The following SUCLG2 variants were observed in gnomAD, a reference collection of about 807,000 sequenced individuals.
SUCLG2 encodes succinate-CoA ligase GDP-forming subunit beta.
In SUCLG2, 42 loss-of-function variants were observed where a neutral mutation model predicts 47.9. The observed-to-expected ratio is 0.88, with a 90% CI of 0.69 to 1.14. The LOEUF (loss-of-function observed/expected upper bound fraction) is 1.14. Among genes scored for constraint, SUCLG2 ranks in the 50% most tolerant of loss-of-function variants. SUCLG2 has a pLI of 0.00. For missense variants in SUCLG2, 571 were observed against 525.9 expected, an observed-to-expected ratio of 1.09 and a Z score of -0.84; for synonymous variants, 195 against 197.3, an observed-to-expected ratio of 0.99 and a Z score of 0.10.
intron 2 of SUCLG2, among the ~76,000 whole-genome samples, chr3:67,529,803 G>A (rs779097275): frequency 3.2e-4 from 48 of 152,184 alleles, no homozygotes; most frequent in Non-Finnish European, 6.2e-4. Context: ...AGTGGTTGTG[G>A]AATCTTTGTT....
At chr3:67,613,550 A>G (rs1196535692) in intron 1 of SUCLG2, among the ~76,000 whole-genome samples, 2 of 152,238 alleles carry the variant, frequency 1.3e-5, no homozygotes, top group Non-Finnish European at 2.9e-5. Flanking sequence ...GCAACATTCA[A>G]GATGGTAGCT....
chr3:67,442,070 G>A (rs963655509), intron 9 of SUCLG2, among the ~76,000 whole-genome samples: 1 of 146,960 alleles, frequency 6.8e-6, no homozygotes, highest in Admixed American at 6.8e-5. Context: ...GAGTGCAGTG[G>A]CGGGATCTCA....
intron 2 of SUCLG2, among the ~76,000 whole-genome samples, chr3:67,569,588 C>T (rs774918786): frequency 1.3e-5 from 2 of 152,216 alleles, no homozygotes; most frequent in African/African-American, 4.8e-5. Context: ...AGGTTTTGGA[C>T]TTGCTTGGGC....
chr3:67,489,681 T>A (rs2107041139), intron 9 of SUCLG2, among the ~76,000 whole-genome samples: 1 of 152,260 alleles, frequency 6.6e-6, no homozygotes, highest in South Asian at 2.1e-4. Flanking sequence ...AAGAAAACAG[T>A]CGCTTGCAGA....
intron 1 of SUCLG2, among the ~76,000 whole-genome samples, chr3:67,637,157 T>A (rs781565442): frequency 1.8e-4 from 28 of 152,152 alleles, no homozygotes; most frequent in Non-Finnish European, 3.5e-4. Context: ...TTATTAAGAT[T>A]ACTGAGTTTC....
At chr3:67,642,953 A>T (rs62256428) in intron 1 of SUCLG2, among the ~76,000 whole-genome samples, 2,290 of 128,742 alleles carry the variant, frequency 0.018, 15 homozygotes, top group Non-Finnish European at 0.022. Context: ...TGTGTGTGTG[A>T]GAGAGATGGC....
chr3:67,440,100 T>G (rs889950452), intron 9 of SUCLG2, among the ~76,000 whole-genome samples: 1 of 152,180 alleles, frequency 6.6e-6, no homozygotes, highest in Non-Finnish European at 1.5e-5. Context: ...ATCTGATCTT[T>G]GACAAACCTG....
At chr3:67,388,484 A>T (rs1302710973) in intron 10 of SUCLG2, among the ~76,000 whole-genome samples, 1 of 152,196 alleles carries the variant, frequency 6.6e-6, no homozygotes, top group Non-Finnish European at 1.5e-5. Flanking sequence ...CTGTGAATGG[A>T]GCAGACCCAT....
At chr3:67,624,552 G>A (rs546182798) in intron 1 of SUCLG2, among the ~76,000 whole-genome samples, 8 of 152,128 alleles carry the variant, frequency 5.3e-5, no homozygotes, top group Non-Finnish European at 1.0e-4. Context: ...TAAATTCCAT[G>A]GCCCTCCCCA....
intron 1 of SUCLG2, among the ~76,000 whole-genome samples, chr3:67,614,272 T>C (rs1336233724): frequency 6.6e-6 from 1 of 152,056 alleles, no homozygotes; most frequent in Non-Finnish European, 1.5e-5. Flanking sequence ...TTTGAGACTC[T>C]GTTCAGAGAC....
chr3:67,376,070 G>T (rs1297647051), intron 10 of SUCLG2: 5 of 985,450 alleles, frequency 5.1e-6, no homozygotes, highest in Non-Finnish European at 6.0e-6. Flanking sequence ...GAAAGCAAGG[G>T]CTTGCAAGAG....
chr3:67,635,168 G>C (rs1046789259), intron 1 of SUCLG2, among the ~76,000 whole-genome samples: 1 of 152,194 alleles, frequency 6.6e-6, no homozygotes, highest in Non-Finnish European at 1.5e-5. Context: ...TCAAATACAT[G>C]ACGAAAATCT....
chr3:67,619,807 G>A (rs1700701461), intron 1 of SUCLG2, among the ~76,000 whole-genome samples: 1 of 151,272 alleles, frequency 6.6e-6, no homozygotes, highest in South Asian at 2.1e-4. Flanking sequence ...AGAAAAGGGA[G>A]GGAAAAAAAT....
intron 2 of SUCLG2, among the ~76,000 whole-genome samples, chr3:67,555,834 G>A (rs1052019046): frequency 5.3e-5 from 8 of 152,204 alleles, no homozygotes; most frequent in Admixed American, 2.0e-4. Context: ...CATGATATTG[G>A]CATAATCTCA....
At chr3:67,378,871 T>C (rs1230667936) in intron 10 of SUCLG2, among the ~76,000 whole-genome samples, 1 of 152,202 alleles carries the variant, frequency 6.6e-6, no homozygotes, top group Non-Finnish European at 1.5e-5. Flanking sequence ...CATGGAGTAA[T>C]GACAGAGTGT....
chr3:67,487,885 G>C (rs1391673110), intron 9 of SUCLG2, among the ~76,000 whole-genome samples: 1 of 151,984 alleles, frequency 6.6e-6, no homozygotes, highest in Admixed American at 6.6e-5. Context: ...AGAACAAGGA[G>C]GTTCATGGCA....
At position 67,366,774 on chromosome 3, in the gene SUCLG2, A is replaced by G. The variant is rs1052909519; in HGVS notation, c.1184-6006T>C. On this transcript the variant is annotated intron_variant, in intron 10 of 10. Coordinates refer to the SUCLG2 transcript ENST00000493112. ...GGAAGAACTGTTAGCTGCCTGGAAC[A>G]TGCTTTTTTGTATACTCAGGAGGCA... Among the ~76,000 whole-genome samples, 3 of 152,238 alleles carry G rather than the reference A, an allele frequency of 2.0e-5. No individual in the cohort carries two copies. In the East Asian group the frequency reaches 5.8e-4, roughly 29 times the overall value.
In SUCLG2 at chr3:67,519,970, T is replaced by C. The variant is rs558332826; in HGVS notation, c.570+512A>G. 5.8e-4 allele frequency among the ~76,000 whole-genome samples: 88 copies of C among 152,106 alleles called. 1 individual carries two copies. Among genetic ancestry groups the C allele is most frequent in the Non-Finnish European group, 7.4e-4 (50 of 68,018 alleles). ...TGAAACTAATCTTAATATCAATAAA[T>C]GAGTCAAGATTTCAAGGATTGAAAA... On this transcript the variant is annotated intron_variant, in intron 5 of 10. Transcript: ENST00000307227.
At chr3:67,373,090 C>T (rs1005077547), downstream of SUCLG2, among the ~76,000 whole-genome samples, 3 of 152,146 alleles carry the variant, frequency 2.0e-5, no homozygotes, top group Non-Finnish European at 4.4e-5. Context: ...ACATTGTTTC[C>T]TTCCCCACTA....
Sources: allele counts gnomAD v4.1 joint callset (sites outside exome capture counted in the v4.1 genomes callset), GRCh38; gene constraint gnomAD v4.1.1; transcripts MANE v1.5; gene names NCBI Gene and HGNC (gene_info 2026-07-23, HGNC 2026-07-21).